TOM1L2: variants seen among roughly 807,000 people sequenced by gnomAD.
TOM1L2 encodes the protein TOM1-like protein 2.
TOM1L2 carries 31 observed loss-of-function variants against 67.9 expected under a neutral mutation model. The observed-to-expected ratio is 0.46, with a 90% CI of 0.34 to 0.62. TOM1L2 has a LOEUF of 0.62. Ranked by LOEUF, TOM1L2 falls within the 20% of genes least tolerant of loss-of-function variation. The pLI, the probability that TOM1L2 is intolerant of heterozygous loss-of-function variation, is 0.01. For synonymous variants in TOM1L2, 256 were observed against 254.0 expected, an observed-to-expected ratio of 1.01 and a Z score of -0.07; for missense variants, 606 against 663.5, an observed-to-expected ratio of 0.91 and a Z score of 0.95.
intron 2 of TOM1L2, among the ~76,000 whole-genome samples, chr17:17,904,545 G>C (rs1264378926): frequency 3.3e-5 from 5 of 152,150 alleles, no homozygotes; most frequent in African/African-American, 1.2e-4. Context: ...GGCCTGGTTG[G>C]GGTTTTTAAC....
intron 1 of TOM1L2, among the ~76,000 whole-genome samples, chr17:17,945,707 A>T (rs911343048): frequency 1.3e-5 from 2 of 152,206 alleles, no homozygotes; most frequent in African/African-American, 4.8e-5. Flanking sequence ...ATAATTCAGC[A>T]CCACATAAAA....
chr17:17,967,359 G>A (rs1027173617), intron 1 of TOM1L2, among the ~76,000 whole-genome samples: 7 of 152,138 alleles, frequency 4.6e-5, no homozygotes, highest in Non-Finnish European at 1.0e-4. Context: ...CTTTACTCTT[G>A]GAAAAGGATT....
chr17:17,886,100 C>G (rs2037984667), intron 4 of TOM1L2, among the ~76,000 whole-genome samples: 2 of 152,146 alleles, frequency 1.3e-5, no homozygotes, highest in Non-Finnish European at 2.9e-5. Flanking sequence ...CCAAGTCTGT[C>G]ATTGTCACAG....
intron 2 of TOM1L2, among the ~76,000 whole-genome samples, chr17:17,903,928 A>C (rs574862191): frequency 6.9e-6 from 1 of 145,082 alleles, no homozygotes; most frequent in Admixed American, 6.8e-5. Flanking sequence ...GAGGGCACAA[A>C]GGGGTGGGTG....
intron 7 of TOM1L2, among the ~76,000 whole-genome samples, chr17:17,875,369 TGTG>T (rs569602648): frequency 5.7e-4 from 86 of 151,892 alleles, no homozygotes; most frequent in South Asian, 4.8e-3. Flanking sequence ...GCATGTCCTC[TGTG>T]GTGTCATCAC....
intron 7 of TOM1L2, among the ~76,000 whole-genome samples, chr17:17,877,272 ATC>A (rs2037472222): frequency 6.6e-6 from 1 of 152,130 alleles, no homozygotes; most frequent in Non-Finnish European, 1.5e-5. Context: ...ACCACCAATT[ATC>A]TCTCTTCCTA....
chr17:17,890,337 G>A (rs769041760), intron 4 of TOM1L2, among the ~76,000 whole-genome samples: 52 of 152,044 alleles, frequency 3.4e-4, no homozygotes, highest in Non-Finnish European at 6.0e-4. Flanking sequence ...CCGGTATGAG[G>A]TGGATACATA....
At chr17:17,940,398 A>T (rs1185809107) in intron 1 of TOM1L2, among the ~76,000 whole-genome samples, 1 of 152,120 alleles carries the variant, frequency 6.6e-6, no homozygotes, top group African/African-American at 2.4e-5. Context: ...GGCTCAGAAA[A>T]GTATGATAAC....
Position 17,928,928 on chromosome 17 carries a change from G to A in TOM1L2, c.53-21397C>T, listed in dbSNP as rs184652533. Among the ~76,000 whole-genome samples, 110 of 152,212 alleles carry A rather than the reference G, an allele frequency of 7.2e-4. 1 individual carries two copies. Among genetic ancestry groups the A allele is most frequent in the African/African-American group, 2.6e-3 (109 of 41,530 alleles). On this transcript the variant is annotated intron_variant, in intron 1 of 14. Transcript: ENST00000379504. ...CTACGTGGGTTTATGAAGCCAGCAAGGCAAAACAAAATCAAGCAGACTTTC... is the reference window on the plus strand; with the variant it reads ...CTACGTGGGTTTATGAAGCCAGCAAAGCAAAACAAAATCAAGCAGACTTTC...
chr17:17,868,833 T>TA (rs2143829180), intron 8 of TOM1L2: 1 of 156,900 alleles, frequency 6.4e-6, no homozygotes, highest in Non-Finnish European at 1.4e-5. Context: ...TTCCGGCACT[T>TA]ACACCCGCCT....
Position 17,861,553 on chromosome 17 carries a change from TG to T in TOM1L2, c.1203-3del. On this transcript the variant is annotated splice_region_variant and splice_polypyrimidine_tract_variant and intron_variant, in intron 11 of 14. Coordinates refer to ENST00000379504, the MANE Select transcript of TOM1L2 (RefSeq NM_001082968.2). Reference sequence around the variant, plus strand: ...GCCTGAGGATCCTCATAGGTTACCCTGGAGATGAAGAAGCAGCACAAGCAGA... The same window carrying T: ...GCCTGAGGATCCTCATAGGTTACCCTGAGATGAAGAAGCAGCACAAGCAGA... 6.2e-7 allele frequency: 1 copy of T among 1,613,932 alleles called. No individual in the cohort carries two copies. The highest frequency in any genetic ancestry group is 1.1e-5 in the South Asian group (1 of 91,076).
intron 1 of TOM1L2, among the ~76,000 whole-genome samples, chr17:17,968,282 G>A (rs143309642): frequency 0.013 from 1,990 of 152,258 alleles, 13 homozygotes; most frequent in Non-Finnish European, 0.022. Flanking sequence ...AAATTATTTA[G>A]GTGTAAGCCC....
At chr17:17,915,071 A>G (rs1427027728) in intron 1 of TOM1L2, among the ~76,000 whole-genome samples, 1 of 152,210 alleles carries the variant, frequency 6.6e-6, no homozygotes, top group African/African-American at 2.4e-5. Context: ...TCACTTCACC[A>G]TAGCTGCATC....
intron 1 of TOM1L2, among the ~76,000 whole-genome samples, chr17:17,934,393 C>G (rs1480798157): frequency 6.6e-6 from 1 of 152,076 alleles, no homozygotes; most frequent in Non-Finnish European, 1.5e-5. Flanking sequence ...CTGCAGTGAG[C>G]TATGATGTCA....
intron 1 of TOM1L2, among the ~76,000 whole-genome samples, chr17:17,962,558 C>G (rs2041727475): frequency 6.6e-6 from 1 of 152,044 alleles, no homozygotes; most frequent in Non-Finnish European, 1.5e-5. Context: ...AGGCAATCCA[C>G]CCGCCTCGGC....
chr17:17,932,464 C>T (rs2040372025), intron 1 of TOM1L2, among the ~76,000 whole-genome samples: 1 of 152,002 alleles, frequency 6.6e-6, no homozygotes, highest in African/African-American at 2.4e-5. Context: ...AAACATACGT[C>T]CCTTTGTTTC....
chr17:17,893,582 G>T, intron 4 of TOM1L2, 79 bp downstream of exon 4: 2 of 1,278,282 alleles, frequency 1.6e-6, no homozygotes, highest in South Asian at 1.7e-5. Context: ...CCTCCAAATG[G>T]TGGGAGAGCA....
At position 17,924,343 on chromosome 17, in the gene TOM1L2, C is replaced by T. The variant is rs567521473; in HGVS notation, c.53-16812G>A. Among the ~76,000 whole-genome samples, 6 of 152,092 alleles carry T rather than the reference C, an allele frequency of 3.9e-5. No homozygotes were observed. In the East Asian group the frequency reaches 7.7e-4, roughly 20 times the overall value. ...ACTGATTGTGGTAATGGCTGAACAACGCTGTGAATACAATGTTTTTTAAAA... is the reference window on the plus strand; with the variant it reads ...ACTGATTGTGGTAATGGCTGAACAATGCTGTGAATACAATGTTTTTTAAAA... On this transcript the variant is annotated intron_variant, in intron 1 of 14. Coordinates refer to ENST00000379504, the MANE Select transcript of TOM1L2 (RefSeq NM_001082968.2).
intron 3 of TOM1L2, 51 bp downstream of exon 3, chr17:17,898,545 G>C: frequency 1.3e-6 from 2 of 1,597,256 alleles, no homozygotes; most frequent in Non-Finnish European, 1.7e-6. Flanking sequence ...GCAAGGCCAG[G>C]AGCAAGGAGT....
Sources: gnomAD v4.1 joint callset for allele counts (sites outside exome capture counted in the v4.1 genomes callset) on GRCh38, gnomAD v4.1.1 for gene constraint, MANE v1.5 for transcripts, NCBI Gene and HGNC (gene_info 2026-07-23, HGNC 2026-07-21) for gene names.